Variants in BBX observed in about 807,000 individuals in gnomAD.
The protein encoded by BBX is HMG box transcription factor BBX.
A neutral mutation model predicts 100.2 loss-of-function variants in BBX; 30 were observed. The ratio of observed to expected loss-of-function variants is 0.30; its 90% confidence interval spans 0.22 to 0.41. The LOEUF (loss-of-function observed/expected upper bound fraction) is 0.41, where lower values mean the gene tolerates loss of function less well. BBX is among the 10% of genes least tolerant of loss of function. The probability of loss-of-function intolerance (pLI) is 1.00; values close to 1 mark genes in which losing one functional copy is unlikely to be tolerated. For synonymous variants in BBX, 376 were observed against 388.1 expected (o/e 0.97, Z 0.37); for missense variants, 1,023 against 1,129.8 (o/e 0.91, Z 1.35).
At chr3:107,769,305 AAGCTTTGTAT>A in intron 10 of BBX, among the ~76,000 whole-genome samples, 1 of 152,232 alleles carries the variant, frequency 6.6e-6, no homozygotes, top group Non-Finnish European at 1.5e-5. Flanking sequence ...AAGCTTTGTA[AAGCTTTGTAT>A]CATTTACAAG....
chr3:107,661,782 G>C (rs1157322180), intron 3 of BBX: 2 of 672,882 alleles, frequency 3.0e-6, no homozygotes, highest in Non-Finnish European at 3.7e-6. Context: ...TCCTCTCTCT[G>C]TGTTTCTCCT....
intron 15 of BBX, among the ~76,000 whole-genome samples, chr3:107,796,976 A>ACAG (rs1035712158): frequency 2.0e-5 from 3 of 152,162 alleles, no homozygotes; most frequent in African/African-American, 7.2e-5. Flanking sequence ...CTGTCTGCAC[A>ACAG]CAGCCATCTG....
intron 2 of BBX, among the ~76,000 whole-genome samples, chr3:107,613,248 C>T (rs571113012): frequency 1.3e-4 from 20 of 148,230 alleles, no homozygotes; most frequent in Non-Finnish European, 1.9e-4. Context: ...AGTGCAGTGG[C>T]GCATCTCGGC....
intron 3 of BBX, among the ~76,000 whole-genome samples, chr3:107,646,378 T>C (rs2057520911): frequency 6.6e-6 from 1 of 152,262 alleles, no homozygotes; most frequent in Admixed American, 6.5e-5. Flanking sequence ...GAAATCACTT[T>C]ATATATGAAA....
At chr3:107,554,689 C>T (rs987805274) in intron 2 of BBX, among the ~76,000 whole-genome samples, 1 of 152,184 alleles carries the variant, frequency 6.6e-6, no homozygotes, top group African/African-American at 2.4e-5. Context: ...TGCAATTGCA[C>T]TCCAGCCTGG....
At chr3:107,769,994 A>G (rs2066766794) in intron 10 of BBX, among the ~76,000 whole-genome samples, 2 of 152,192 alleles carry the variant, frequency 1.3e-5, no homozygotes, top group African/African-American at 4.8e-5. Flanking sequence ...TTTTCCTATA[A>G]TTTAGGATTA....
chr3:107,681,937 G>T (rs2107998939), intron 3 of BBX, among the ~76,000 whole-genome samples: 1 of 152,162 alleles, frequency 6.6e-6, no homozygotes, highest in East Asian at 1.9e-4. Context: ...GATCACTGGG[G>T]AAGCTGCACC....
At chr3:107,599,304 GCT>G (rs1576447839) in intron 2 of BBX, 1 of 152,318 alleles carries the variant, frequency 6.6e-6, no homozygotes, top group Non-Finnish European at 1.5e-5. Flanking sequence ...CCCCATCCCT[GCT>G]CTCTGCTGCT....
At chr3:107,778,643 T>G in intron 13 of BBX, 124 bp downstream of exon 13, 4 of 1,082,014 alleles carry the variant, frequency 3.7e-6, no homozygotes, top group Non-Finnish European at 5.3e-6. Context: ...AGTTAGAATC[T>G]TAGGTTGCTT....
chr3:107,737,884 G>GTTTTTTTTGTTTTTTT (rs2063745026), intron 7 of BBX, among the ~76,000 whole-genome samples: 3 of 48,884 alleles, frequency 6.1e-5, no homozygotes, highest in Non-Finnish European at 1.0e-4. Context: ...CAGAGTTCCA[G>GTTTTTTTTGTTTTTTT]TTTTTTTTTT....
At chr3:107,628,132 A>G (rs1165983960) in intron 2 of BBX, among the ~76,000 whole-genome samples, 7 of 152,124 alleles carry the variant, frequency 4.6e-5, no homozygotes, top group Non-Finnish European at 8.8e-5. Context: ...CATGGTATTT[A>G]TAAGTATTTG....
chr3:107,705,942 C>G (rs1316238881), intron 3 of BBX, among the ~76,000 whole-genome samples: 2 of 150,544 alleles, frequency 1.3e-5, no homozygotes, highest in African/African-American at 2.4e-5. Flanking sequence ...GCTTTGTACT[C>G]TTTCCTTCTA....
chr3:107,600,007 G>T (rs932632391), intron 2 of BBX, among the ~76,000 whole-genome samples: 1 of 152,206 alleles, frequency 6.6e-6, no homozygotes, highest in Non-Finnish European at 1.5e-5. Flanking sequence ...AAGGAAATGG[G>T]TGATGATTTA....
At position 107,728,803 on chromosome 3, in the gene BBX, A is replaced by G; in HGVS notation, c.444A>G (p.Lys148=). The change falls in exon 6 of 18, where the codon AAA becomes AAG. Residue 148 remains lysine (K), a synonymous_variant. Transcript: ENST00000325805. ...DAFMKANPGY[K]WCPTTNKPVK... ...TTATGAAAGCAAATCCTGGCTACAA[A>G]TGGTGTCCTACCACAAACAAGCCTG... The G allele has an allele frequency of 6.2e-7, 1 of 1,613,696 alleles. No homozygotes were observed. The highest frequency in any genetic ancestry group is 8.5e-7 in the Non-Finnish European group (1 of 1,179,782).
intron 9 of BBX, among the ~76,000 whole-genome samples, chr3:107,750,653 A>G (rs1265435011): frequency 6.6e-6 from 1 of 152,194 alleles, no homozygotes; most frequent in Non-Finnish European, 1.5e-5. Context: ...TTAACATCTT[A>G]CAATCTGACC....
At chr3:107,701,240 A>G (rs1468550474) in intron 3 of BBX, among the ~76,000 whole-genome samples, 2 of 152,096 alleles carry the variant, frequency 1.3e-5, no homozygotes, top group Non-Finnish European at 2.9e-5. Flanking sequence ...CAAGGATTGC[A>G]GGGGAAGGGC....
rs1576166262 is a variant in BBX at position 107,526,261 on chromosome 3, A to G, written c.-155-66A>G. The stretch of plus-strand genomic sequence containing the variant: ...ACCTTCTCTTCATAGATGTTACAGG[A>G]CTTGGGACTGTACTATTGTAAAGCC... On this transcript the variant is annotated intron_variant, in intron 1 of 17. Transcript: ENST00000325805. The G allele has an allele frequency of 2.5e-5, 10 of 398,402 alleles. No individual in the cohort carries two copies. In the East Asian group the frequency reaches 3.6e-4, roughly 14 times the overall value. 24.7% of individuals were successfully genotyped at this position (398,402 alleles called of 1,614,324 possible).
intron 2 of BBX, among the ~76,000 whole-genome samples, chr3:107,621,459 GA>G (rs1380106971): frequency 1.3e-5 from 2 of 152,086 alleles, no homozygotes; most frequent in Non-Finnish European, 2.9e-5. Context: ...CATTTTTCTG[GA>G]AGTGGAATTT....
intron 3 of BBX, among the ~76,000 whole-genome samples, chr3:107,672,474 G>A (rs962375838): frequency 1.3e-5 from 2 of 152,012 alleles, no homozygotes; most frequent in Non-Finnish European, 2.9e-5. Context: ...TGTAGTTCAG[G>A]TAGAAAGTGT....
Sources: allele counts gnomAD v4.1 joint callset (sites outside exome capture counted in the v4.1 genomes callset), GRCh38; gene constraint gnomAD v4.1.1; transcripts MANE v1.5; gene names NCBI Gene and HGNC (gene_info 2026-07-23, HGNC 2026-07-21).